ANO10: variants seen among roughly 807,000 people sequenced by gnomAD.
ANO10 encodes the protein anoctamin-10.
ANO10 carries 77 observed loss-of-function variants against 74.7 expected under a neutral mutation model. The observed-to-expected ratio is 1.03, with a 90% CI of 0.86 to 1.25. The LOEUF is 1.25. Ranked by LOEUF, ANO10 falls within the 50% of genes most tolerant of loss-of-function variation. The probability of loss-of-function intolerance (pLI) is 0.00; values close to 1 mark genes in which losing one functional copy is unlikely to be tolerated. For missense variants in ANO10, 721 were observed against 778.1 expected (o/e 0.93, Z 0.87); for synonymous variants, 279 against 284.9 (o/e 0.98, Z 0.21).
At chr3:43,454,644 A>G (rs2075044962) in intron 11 of ANO10, among the ~76,000 whole-genome samples, 1 of 152,088 alleles carries the variant, frequency 6.6e-6, no homozygotes, top group Non-Finnish European at 1.5e-5. Context: ...GGACCTGAAA[A>G]TCAAATGAAA....
intron 12 of ANO10, among the ~76,000 whole-genome samples, chr3:43,420,980 T>C (rs554103875): frequency 1.3e-5 from 2 of 152,310 alleles, no homozygotes; most frequent in East Asian, 3.9e-4. Flanking sequence ...CCCAGCACTT[T>C]GGGAGGCCAA....
At chr3:43,374,096 T>C (rs777333342) in intron 12 of ANO10, among the ~76,000 whole-genome samples, 7 of 152,186 alleles carry the variant, frequency 4.6e-5, no homozygotes, top group Non-Finnish European at 7.4e-5. Context: ...AGATGGTTCC[T>C]CCAGGCTGTG....
At chr3:43,640,717 A>G (rs1471605547) in intron 1 of ANO10, among the ~76,000 whole-genome samples, 1 of 152,246 alleles carries the variant, frequency 6.6e-6, no homozygotes, top group Non-Finnish European at 1.5e-5. Flanking sequence ...ATTAATATTC[A>G]TAATAATGAC....
At chr3:43,459,064 A>G (rs535396715) in intron 11 of ANO10, among the ~76,000 whole-genome samples, 2 of 152,310 alleles carry the variant, frequency 1.3e-5, no homozygotes, top group East Asian at 3.9e-4. Context: ...AATATATGAG[A>G]AGAGAAAGGC....
upstream of ANO10, among the ~76,000 whole-genome samples, chr3:43,623,772 C>A (rs968871905): frequency 2.0e-5 from 3 of 152,216 alleles, no homozygotes; most frequent in African/African-American, 7.2e-5. Flanking sequence ...GCTATCATGG[C>A]AGCTCACAAC....
At chr3:43,367,093 G>A in intron 12 of ANO10, 119 bp from the exon 13 acceptor site, 2 of 890,608 alleles carry the variant, frequency 2.2e-6, no homozygotes, top group Non-Finnish European at 3.6e-6. Context: ...TGACTCTGAT[G>A]CTGCCTGCAG....
At chr3:43,577,346 G>A in intron 5 of ANO10, 85 bp from the exon 6 acceptor site, 4 of 1,325,524 alleles carry the variant, frequency 3.0e-6, no homozygotes, top group Admixed American at 2.0e-5. Context: ...TCATTTTTTA[G>A]TTAAGTGGGG....
intron 1 of ANO10, among the ~76,000 whole-genome samples, chr3:43,666,415 T>C (rs2083992899): frequency 6.6e-6 from 1 of 152,162 alleles, no homozygotes; most frequent in South Asian, 2.1e-4. Context: ...TAGCTAAAAA[T>C]TAATGTAAGA....
At chr3:43,533,911 A>T (rs2078582756) in intron 11 of ANO10, among the ~76,000 whole-genome samples, 3 of 152,234 alleles carry the variant, frequency 2.0e-5, no homozygotes, top group Admixed American at 6.5e-5. Flanking sequence ...CTAAACAACT[A>T]AGTGTAAAAC....
chr3:43,372,995 ACT>A, intron 12 of ANO10: 2 of 783,708 alleles, frequency 2.6e-6, no homozygotes, highest in Non-Finnish European at 4.0e-6. Context: ...AGTCAGCATC[ACT>A]CTCTGGCCCA....
intron 11 of ANO10, among the ~76,000 whole-genome samples, chr3:43,509,128 A>G (rs968476503): frequency 6.6e-6 from 1 of 151,742 alleles, no homozygotes; most frequent in Non-Finnish European, 1.5e-5. Flanking sequence ...ACAGAAAACC[A>G]AACACCGCAT....
intron 11 of ANO10, among the ~76,000 whole-genome samples, chr3:43,518,938 C>T (rs1188542520): frequency 2.0e-5 from 3 of 152,040 alleles, no homozygotes; most frequent in African/African-American, 7.3e-5. Context: ...ATTTTATTGC[C>T]CTTGAAGCAT....
chr3:43,508,385 G>A (rs1439182968), intron 11 of ANO10, among the ~76,000 whole-genome samples: 1 of 152,192 alleles, frequency 6.6e-6, no homozygotes, highest in East Asian at 1.9e-4. Flanking sequence ...AGACAGTGTG[G>A]TGATTCCTCA....
At chr3:43,612,183 T>TGC (rs2082866688) in intron 1 of ANO10, among the ~76,000 whole-genome samples, 2 of 110,234 alleles carry the variant, frequency 1.8e-5, no homozygotes, top group African/African-American at 7.9e-5. Context: ...TATATATATA[T>TGC]ATGCCCAAGA....
At chr3:43,580,558 A>G in intron 4 of ANO10, 86 bp from the exon 5 acceptor site, 1 of 1,533,120 alleles carries the variant, frequency 6.5e-7, no homozygotes, top group Admixed American at 1.7e-5. Context: ...AGGACACTCC[A>G]CAGAGGAGTA....
chr3:43,466,793 ATTATG>A (rs990424742), intron 11 of ANO10, among the ~76,000 whole-genome samples: 1 of 152,226 alleles, frequency 6.6e-6, no homozygotes, highest in Admixed American at 6.5e-5. Flanking sequence ...TCTTCAACAC[ATTATG>A]TTAAGTAAAT....
chr3:43,437,972 G>C (rs1362314197), intron 11 of ANO10, among the ~76,000 whole-genome samples: 1 of 152,002 alleles, frequency 6.6e-6, no homozygotes, highest in African/African-American at 2.4e-5. Flanking sequence ...TTGCCTGACA[G>C]AGAATTCAAA....
intron 12 of ANO10, among the ~76,000 whole-genome samples, chr3:43,414,465 G>A (rs947764211): frequency 6.6e-6 from 1 of 152,160 alleles, no homozygotes; most frequent in Non-Finnish European, 1.5e-5. Flanking sequence ...TCAAGCTTGA[G>A]TCCCAAAAGA....
intron 11 of ANO10, among the ~76,000 whole-genome samples, chr3:43,518,422 CA>C (rs1246320559): frequency 6.6e-6 from 1 of 152,098 alleles, no homozygotes; most frequent in African/African-American, 2.4e-5. Context: ...GTTATCTGCA[CA>C]AATTGTTTGT....
Sources: gnomAD v4.1 joint callset for allele counts (sites outside exome capture counted in the v4.1 genomes callset) on GRCh38, gnomAD v4.1.1 for gene constraint, MANE v1.5 for transcripts, NCBI Gene and HGNC (gene_info 2026-07-23, HGNC 2026-07-21) for gene names.